HHIP: variants seen among roughly 807,000 people sequenced by gnomAD.
HHIP encodes the protein hedgehog interacting protein.
In HHIP, 12 loss-of-function variants were observed where a neutral mutation model predicts 74.0. That is an observed-to-expected ratio of 0.16 (90% confidence interval 0.10 to 0.26). The LOEUF (loss-of-function observed/expected upper bound fraction) is 0.26. Ranked by LOEUF, HHIP falls within the 10% of genes least tolerant of loss-of-function variation. HHIP has a pLI of 1.00. For missense variants in HHIP, 788 were observed against 845.0 expected, an observed-to-expected ratio of 0.93 and a Z score of 0.84; for synonymous variants, 309 against 311.6, an observed-to-expected ratio of 0.99 and a Z score of 0.09.
chr4:144,650,309 C>A (rs1192765273), intron 1 of HHIP, among the ~76,000 whole-genome samples: 7 of 152,168 alleles, frequency 4.6e-5, no homozygotes, highest in Non-Finnish European at 1.0e-4. Flanking sequence ...GCAACAGCCA[C>A]AATGATTACT....
Position 144,711,954 on chromosome 4 carries a change from G to A in HHIP, c.1306G>A (p.Ala436Thr). The change falls in exon 8 of 13, where the codon GCT becomes ACT. Residue 436 changes from alanine to threonine, a missense_variant. Coordinates refer to ENST00000296575, the MANE Select transcript of HHIP (RefSeq NM_022475.3). ...GTATCCCCTCTTGTTATGCAGATGT[G>A]CTGTGGATAGACATCCCACTGATAT... ...AHGLHDPGRC[A>T]VDRHPTDINI... 6.2e-7 allele frequency: 1 copy of A among 1,611,756 alleles called. No individual in the cohort carries two copies. The highest frequency in any genetic ancestry group is 1.3e-5 in the African/African-American group (1 of 74,962).
chr4:144,672,005 C>T (rs1015865600), intron 4 of HHIP, among the ~76,000 whole-genome samples: 2 of 151,714 alleles, frequency 1.3e-5, no homozygotes, highest in African/African-American at 2.4e-5. Flanking sequence ...TAAATAAAAA[C>T]AAATAATAAT....
chr4:144,673,019 G>C (rs1729084289), intron 4 of HHIP, among the ~76,000 whole-genome samples: 1 of 152,184 alleles, frequency 6.6e-6, no homozygotes, highest in Non-Finnish European at 1.5e-5. Flanking sequence ...TTTTAAACAA[G>C]ATCTATAGCA....
At chr4:144,674,155 C>T (rs967984135) in intron 4 of HHIP, among the ~76,000 whole-genome samples, 3 of 152,268 alleles carry the variant, frequency 2.0e-5, no homozygotes, top group African/African-American at 7.2e-5. Context: ...TATGCCTCAT[C>T]CCCTGTTATT....
intron 1 of HHIP, among the ~76,000 whole-genome samples, chr4:144,652,375 G>C (rs1728447708): frequency 6.6e-6 from 1 of 151,984 alleles, no homozygotes. Flanking sequence ...TGATTTGCAG[G>C]AATAAGAAGC....
intron 4 of HHIP, among the ~76,000 whole-genome samples, chr4:144,695,058 G>A (rs1729775028): frequency 6.6e-6 from 1 of 151,644 alleles, no homozygotes; most frequent in Non-Finnish European, 1.5e-5. Context: ...AATTATAAGG[G>A]GGTCTGAAAA....
At chr4:144,686,994 A>G (rs536129115) in intron 4 of HHIP, among the ~76,000 whole-genome samples, 12 of 152,344 alleles carry the variant, frequency 7.9e-5, no homozygotes, top group African/African-American at 2.9e-4. Context: ...CTTGGGCCCC[A>G]TGACAGAGTG....
At chr4:144,663,454 A>C (rs1578682390) in intron 4 of HHIP, among the ~76,000 whole-genome samples, 2 of 152,214 alleles carry the variant, frequency 1.3e-5, no homozygotes, top group East Asian at 3.8e-4. Context: ...TCACTTACAC[A>C]TTGAATGAGA....
intron 4 of HHIP, among the ~76,000 whole-genome samples, chr4:144,703,023 C>T (rs1175200365): frequency 6.6e-6 from 1 of 152,084 alleles, no homozygotes; most frequent in African/African-American, 2.4e-5. Context: ...TCAAGACCAG[C>T]CTGGCCAACA....
At chr4:144,720,677 C>T (rs1392517184) in intron 11 of HHIP, among the ~76,000 whole-genome samples, 2 of 151,796 alleles carry the variant, frequency 1.3e-5, no homozygotes, top group African/African-American at 4.8e-5. Context: ...ATGTGGGGGG[C>T]CCGGGTTAAG....
chr4:144,712,109 A>G, intron 8 of HHIP, 38 bp downstream of exon 8: 1 of 1,576,264 alleles, frequency 6.3e-7, no homozygotes, highest in East Asian at 2.2e-5. Flanking sequence ...GCTTTAGTTC[A>G]AGTTTTGTCT....
At position 144,742,999 on chromosome 4, in the gene HHIP, A is replaced by T. The variant is rs373027793; in HGVS notation, c.*5042A>T. ...TATATATATACATTATATATATATA[A>T]TATATATATATTATATATATATAAT... On this transcript the variant is annotated 3_prime_UTR_variant, in exon 13 of 13. Coordinates refer to ENST00000296575, the MANE Select transcript of HHIP (RefSeq NM_022475.3). 57 of 668 alleles carry T rather than the reference A, an allele frequency of 0.085. 1 individual carries two copies. The highest frequency in any genetic ancestry group is 0.12 in the African/African-American group (56 of 464). 0.0% of individuals were successfully genotyped at this position (668 alleles called of 1,614,324 possible).
intron 4 of HHIP, among the ~76,000 whole-genome samples, chr4:144,674,797 A>G (rs1158875314): frequency 6.6e-6 from 1 of 152,164 alleles, no homozygotes; most frequent in East Asian, 1.9e-4. Context: ...CATGCTTCTT[A>G]AAAGTGAATT....
In HHIP at chr4:144,651,331, C is replaced by T. The variant is rs528116646; in HGVS notation, c.280-1274C>T. On this transcript the variant is annotated intron_variant, in intron 1 of 12. Coordinates refer to ENST00000296575, the MANE Select transcript of HHIP (RefSeq NM_022475.3). ...TATACATTTTTCCAAAATATGATAA[C>T]TTCTATTGGACTTGCTGCATACTAA... is the stretch of plus-strand genomic sequence containing the variant. 2.0e-5 allele frequency among the ~76,000 whole-genome samples: 3 copies of T among 152,018 alleles called. No individual in the cohort carries two copies. The East Asian group carries it at 5.8e-4, about 29-fold the overall frequency.
intron 4 of HHIP, among the ~76,000 whole-genome samples, chr4:144,668,101 G>T (rs141986880): frequency 0.011 from 1,697 of 150,488 alleles, 18 homozygotes; most frequent in South Asian, 0.029. Flanking sequence ...AGGACCATTT[G>T]ACGTCAGGAA....
At chr4:144,715,480 A>G in intron 10 of HHIP, 50 bp downstream of exon 10, 1 of 1,571,348 alleles carries the variant, frequency 6.4e-7, no homozygotes, top group Non-Finnish European at 8.7e-7. Flanking sequence ...TCCTTTTTCA[A>G]GAGGCTTTGT....
chr4:144,702,509 G>A (rs891207934), intron 4 of HHIP, among the ~76,000 whole-genome samples: 9 of 152,214 alleles, frequency 5.9e-5, no homozygotes, highest in South Asian at 4.2e-4. Context: ...TCCAAATTGC[G>A]GGAACATTAT....
chr4:144,691,894 T>C (rs190834303), intron 4 of HHIP, among the ~76,000 whole-genome samples: 64 of 149,830 alleles, frequency 4.3e-4, no homozygotes, highest in Non-Finnish European at 8.6e-4. Flanking sequence ...ACTACCAAAA[T>C]AGAAAAAAAA....
chr4:144,674,699 T>C (rs1365228983), intron 4 of HHIP, among the ~76,000 whole-genome samples: 2 of 152,232 alleles, frequency 1.3e-5, no homozygotes, highest in African/African-American at 4.8e-5. Flanking sequence ...TTTTTAAGTC[T>C]GAAACCACCA....
Sources: allele counts gnomAD v4.1 joint callset (sites outside exome capture counted in the v4.1 genomes callset), GRCh38; gene constraint gnomAD v4.1.1; transcripts MANE v1.5; gene names NCBI Gene and HGNC (gene_info 2026-07-23, HGNC 2026-07-21).